Variants in DOK6 observed in about 807,000 individuals in gnomAD.
DOK6 encodes downstream of tyrosine kinase 6.
Under a neutral mutation model 44.0 loss-of-function variants are expected in DOK6, and 22 were observed. The observed-to-expected ratio is 0.50, with a 90% CI of 0.36 to 0.71. The LOEUF (loss-of-function observed/expected upper bound fraction) is 0.71, where lower values mean the gene tolerates loss of function less well. DOK6 is among the 30% of genes least tolerant of loss of function. DOK6 has a pLI of 0.00. For missense variants in DOK6, 340 were observed against 416.4 expected, an observed-to-expected ratio of 0.82 and a Z score of 1.60; for synonymous variants, 166 against 145.5, an observed-to-expected ratio of 1.14 and a Z score of -1.01.
Position 69,741,817 on chromosome 18 carries a change from A to G in DOK6, c.738+2714A>G, listed in dbSNP as rs1007296003. Reference sequence around the variant, plus strand: ...GGCCACAGAAAACTCTTATACAAAAATTTCCAACAAGTATGAAAGAGTGTT... The same window carrying G: ...GGCCACAGAAAACTCTTATACAAAAGTTTCCAACAAGTATGAAAGAGTGTT... On this transcript the variant is annotated intron_variant, in intron 6 of 7. Coordinates refer to ENST00000382713, the MANE Select transcript of DOK6 (RefSeq NM_152721.6). 5.9e-5 allele frequency among the ~76,000 whole-genome samples: 9 copies of G among 152,188 alleles called. No homozygotes were observed. In the East Asian group the frequency reaches 7.7e-4, roughly 13 times the overall value.
At chr18:69,509,155 C>A (rs1453341850) in intron 1 of DOK6, among the ~76,000 whole-genome samples, 9 of 152,146 alleles carry the variant, frequency 5.9e-5, no homozygotes, top group Admixed American at 2.0e-4. Flanking sequence ...CCCAAGTATT[C>A]TTTCCTTCAT....
intron 7 of DOK6, among the ~76,000 whole-genome samples, chr18:69,832,948 T>C (rs1191398830): frequency 2.6e-5 from 4 of 152,272 alleles, no homozygotes; most frequent in Admixed American, 2.6e-4. Flanking sequence ...TCCATGTTCA[T>C]GGATTGGAAG....
At chr18:69,565,599 C>G (rs1395328397) in intron 2 of DOK6, among the ~76,000 whole-genome samples, 2 of 151,684 alleles carry the variant, frequency 1.3e-5, no homozygotes, top group African/African-American at 4.8e-5. Context: ...GTCTCAAACT[C>G]CTGATCTCAA....
chr18:69,485,140 C>T (rs1263321567), intron 1 of DOK6, among the ~76,000 whole-genome samples: 1 of 152,048 alleles, frequency 6.6e-6, no homozygotes, highest in African/African-American at 2.4e-5. Context: ...TTTGCACATC[C>T]CTTTGGGATT....
chr18:69,409,843 C>T (rs1599117401), intron 1 of DOK6, among the ~76,000 whole-genome samples: 2 of 152,304 alleles, frequency 1.3e-5, no homozygotes. Context: ...ATACTTTTCA[C>T]ATATGTCTCC....
chr18:69,520,505 T>C (rs747051686), intron 1 of DOK6, among the ~76,000 whole-genome samples: 2 of 151,828 alleles, frequency 1.3e-5, no homozygotes, highest in Non-Finnish European at 2.9e-5. Flanking sequence ...AATCCAAAAG[T>C]CTAAAATCGA....
At chr18:69,526,446 T>C (rs1285102028) in intron 1 of DOK6, among the ~76,000 whole-genome samples, 1 of 152,208 alleles carries the variant, frequency 6.6e-6, no homozygotes, top group African/African-American at 2.4e-5. Context: ...TGCTGAATAA[T>C]ATTCCTTTGT....
chr18:69,548,548 A>G (rs955596065), intron 1 of DOK6, among the ~76,000 whole-genome samples: 5 of 151,510 alleles, frequency 3.3e-5, no homozygotes, highest in Non-Finnish European at 3.0e-5. Context: ...AGCAGCATAC[A>G]GTCTGTTTGG....
At position 69,657,962 on chromosome 18, in the gene DOK6, T is replaced by C. The variant is rs553903649; in HGVS notation, c.290-19772T>C. 2.6e-5 allele frequency among the ~76,000 whole-genome samples: 4 copies of C among 152,178 alleles called. No individual in the cohort carries two copies. In the East Asian group the frequency reaches 7.8e-4, roughly 30 times the overall value. ...GTTGTTGTTTTTGTTTGTTTGTTTG[T>C]TTGCTTTTGAGAGGGGTCTCCCTCT... On this transcript the variant is annotated intron_variant, in intron 3 of 7. Coordinates refer to ENST00000382713, the MANE Select transcript of DOK6 (RefSeq NM_152721.6).
intron 3 of DOK6, chr18:69,662,066 C>G (rs1568326010): frequency 6.6e-6 from 1 of 151,594 alleles, no homozygotes; most frequent in Non-Finnish European, 1.5e-5. Context: ...TGCAACCTCC[C>G]CCTGCCAGGT....
Position 69,518,209 on chromosome 18 carries a change from G to T in DOK6, c.67-46278G>T, listed in dbSNP as rs1164468555. On this transcript the variant is annotated intron_variant, in intron 1 of 7. Transcript: ENST00000382713. ...GTTTCCATAATATTACAATTTTAAA[G>T]GAATCTACTGGTAAAATTGTAAAGA... Among the ~76,000 whole-genome samples the T allele has an allele frequency of 2.0e-5, 3 of 152,106 alleles. No individual in the cohort carries two copies. The East Asian group carries it at 5.8e-4, about 29-fold the overall frequency.
intron 7 of DOK6, among the ~76,000 whole-genome samples, chr18:69,813,506 C>T (rs1003231586): frequency 6.6e-6 from 1 of 151,790 alleles, no homozygotes; most frequent in African/African-American, 2.4e-5. Context: ...ACGGTTTATG[C>T]AAAAAACAAG....
chr18:69,498,079 C>G (rs1234226074), intron 1 of DOK6, among the ~76,000 whole-genome samples: 2 of 151,932 alleles, frequency 1.3e-5, no homozygotes, highest in Non-Finnish European at 2.9e-5. Context: ...CACAGACACA[C>G]AAAAAATGAA....
intron 1 of DOK6, among the ~76,000 whole-genome samples, chr18:69,472,273 C>T (rs1020710664): frequency 1.3e-5 from 2 of 152,104 alleles, no homozygotes; most frequent in African/African-American, 4.8e-5. Flanking sequence ...TGAGTGTGAG[C>T]GCCCGGGCAA....
chr18:69,495,175 C>A (rs1042969789), intron 1 of DOK6, among the ~76,000 whole-genome samples: 1 of 152,204 alleles, frequency 6.6e-6, no homozygotes, highest in Non-Finnish European at 1.5e-5. Flanking sequence ...GCAGTGGAAG[C>A]CTGGGGACTC....
At chr18:69,442,517 C>A (rs1451888601) in intron 1 of DOK6, among the ~76,000 whole-genome samples, 1 of 152,152 alleles carries the variant, frequency 6.6e-6, no homozygotes, top group Non-Finnish European at 1.5e-5. Context: ...CAGAGAACAG[C>A]ATGGGGGAAC....
intron 2 of DOK6, among the ~76,000 whole-genome samples, chr18:69,588,845 C>T (rs1044751154): frequency 6.6e-6 from 1 of 151,600 alleles, no homozygotes; most frequent in Non-Finnish European, 1.5e-5. Context: ...TTAGATGAGG[C>T]ATTTTATAAT....
chr18:69,626,675 A>G (rs912966279), intron 3 of DOK6, among the ~76,000 whole-genome samples: 1 of 152,234 alleles, frequency 6.6e-6, no homozygotes, highest in African/African-American at 2.4e-5. Context: ...AAACTTTCTC[A>G]TAGCTTCATG....
chr18:69,522,208 C>T (rs760172904), intron 1 of DOK6, among the ~76,000 whole-genome samples: 2 of 150,424 alleles, frequency 1.3e-5, no homozygotes, highest in Non-Finnish European at 3.0e-5. Flanking sequence ...TCAAAACAAA[C>T]CACACACACA....
Sources: allele counts gnomAD v4.1 joint callset (sites outside exome capture counted in the v4.1 genomes callset), GRCh38; gene constraint gnomAD v4.1.1; transcripts MANE v1.5; gene names NCBI Gene and HGNC (gene_info 2026-07-23, HGNC 2026-07-21).